The following CENPP variants were observed in gnomAD, a reference collection of about 807,000 sequenced individuals.
CENPP encodes centromere protein P.
In CENPP, 24 loss-of-function variants were observed where a neutral mutation model predicts 35.6. The ratio of observed to expected loss-of-function variants is 0.67; its 90% CI spans 0.49 to 0.95. The LOEUF (loss-of-function observed/expected upper bound fraction) is 0.95. Among genes scored for constraint, CENPP ranks in the 40% least tolerant of loss-of-function variants. CENPP has a pLI of 0.00. For missense variants in CENPP, 332 were observed against 345.3 expected (o/e 0.96, Z 0.31); for synonymous variants, 120 against 125.5 (o/e 0.96, Z 0.29).
intron 5 of CENPP, among the ~76,000 whole-genome samples, chr9:92,567,243 T>C (rs1352682063): frequency 1.3e-5 from 2 of 151,986 alleles, no homozygotes; most frequent in Non-Finnish European, 2.9e-5. Context: ...AGAGCAATTA[T>C]AAAAGCTTGT....
At chr9:92,595,588 T>C (rs1467491562) in intron 5 of CENPP, among the ~76,000 whole-genome samples, 2 of 151,360 alleles carry the variant, frequency 1.3e-5, no homozygotes, top group South Asian at 2.1e-4. Context: ...TTTTTTTTCA[T>C]GGAGTCTCGC....
At chr9:92,490,028 G>T (rs1250728856) in intron 5 of CENPP, among the ~76,000 whole-genome samples, 2 of 152,180 alleles carry the variant, frequency 1.3e-5, no homozygotes, top group Non-Finnish European at 2.9e-5. Context: ...ACACTCAGAG[G>T]CCTGGAAGCC....
At chr9:92,431,072 G>A (rs1844096283) in intron 5 of CENPP, among the ~76,000 whole-genome samples, 1 of 152,164 alleles carries the variant, frequency 6.6e-6, no homozygotes, top group Admixed American at 6.5e-5. Context: ...GGGATTACAG[G>A]CGTGAGCCAC....
intron 5 of CENPP, among the ~76,000 whole-genome samples, chr9:92,546,385 G>C (rs994205052): frequency 1.3e-5 from 2 of 152,116 alleles, no homozygotes; most frequent in Admixed American, 6.6e-5. Context: ...AATAAATCTT[G>C]CTGCTGCTCA....
At chr9:92,421,163 C>T (rs1237790113) in intron 5 of CENPP, among the ~76,000 whole-genome samples, 1 of 152,154 alleles carries the variant, frequency 6.6e-6, no homozygotes, top group Non-Finnish European at 1.5e-5. Context: ...CTTCAGCCTC[C>T]TGAGTAGCTG....
At chr9:92,437,846 AC>A (rs1844285860) in intron 5 of CENPP, among the ~76,000 whole-genome samples, 4 of 151,424 alleles carry the variant, frequency 2.6e-5, no homozygotes, top group Admixed American at 2.6e-4. Flanking sequence ...TGCAACTTTA[AC>A]CTTCCAGGCT....
At chr9:92,541,474 C>T (rs1849319704) in intron 5 of CENPP, among the ~76,000 whole-genome samples, 1 of 145,752 alleles carries the variant, frequency 6.9e-6, no homozygotes, top group African/African-American at 2.5e-5. Context: ...GATTCCCCTG[C>T]CTCAGCCTCC....
intron 5 of CENPP, chr9:92,482,263 C>G (rs560117738): frequency 6.6e-6 from 1 of 152,074 alleles, no homozygotes; most frequent in African/African-American, 2.4e-5. Flanking sequence ...AAGTATACAT[C>G]GATACTTGTA....
At chr9:92,388,884 CCTTAA>C (rs1461187952) in intron 5 of CENPP, among the ~76,000 whole-genome samples, 2 of 151,286 alleles carry the variant, frequency 1.3e-5, no homozygotes, top group African/African-American at 4.9e-5. Context: ...TCTAAGAGTC[CCTTAA>C]CTTCTGAGTT....
rs533490967 is a variant in CENPP at position 92,545,692 on chromosome 9, G to T, written c.565-65622G>T. On this transcript the variant is annotated intron_variant, in intron 5 of 7. Transcript: ENST00000375587. The stretch of plus-strand genomic sequence containing the variant: ...CAGCCTGGTGCGGGATCCACTGGGT[G>T]AATCCAGCTGGGCTCATCCAGCTGG... Among the ~76,000 whole-genome samples the T allele has an allele frequency of 7.6e-3, 1,158 of 152,356 alleles. 6 individuals are homozygous for T. Among genetic ancestry groups the T allele is most frequent in the Non-Finnish European group, 0.012 (802 of 68,032 alleles).
At chr9:92,514,712 T>TG in intron 5 of CENPP, 1 of 1,614,032 alleles carries the variant, frequency 6.2e-7, no homozygotes, top group Non-Finnish European at 8.5e-7. Flanking sequence ...CTGATGGTCC[T>TG]GTAGGACAGA....
At chr9:92,332,535 C>G (rs1840784176) in intron 2 of CENPP, among the ~76,000 whole-genome samples, 184 bp downstream of exon 2, 2 of 152,196 alleles carry the variant, frequency 1.3e-5, no homozygotes, top group Admixed American at 6.5e-5. Flanking sequence ...CTGGGCCAGG[C>G]CCCGTGATCA....
At chr9:92,338,804 T>G (rs1243279996) in intron 3 of CENPP, among the ~76,000 whole-genome samples, 1 of 152,106 alleles carries the variant, frequency 6.6e-6, no homozygotes, top group African/African-American at 2.4e-5. Context: ...CCACAGCCAT[T>G]TGAATGCTCC....
At chr9:92,493,468 T>C (rs1272093660) in intron 5 of CENPP, 2 of 152,216 alleles carry the variant, frequency 1.3e-5, no homozygotes, top group Non-Finnish European at 2.9e-5. Flanking sequence ...CTGCTTATAA[T>C]ATTCTTATTG....
At chr9:92,571,263 G>A (rs570069376) in intron 5 of CENPP, among the ~76,000 whole-genome samples, 4 of 152,204 alleles carry the variant, frequency 2.6e-5, no homozygotes, top group Non-Finnish European at 5.9e-5. Context: ...GTGTCCCAGA[G>A]ATTCTGGTAT....
At position 92,403,481 on chromosome 9, in the gene CENPP, C is replaced by G; in HGVS notation, c.564+23622C>G. On this transcript the variant is annotated intron_variant, in intron 5 of 7. Transcript: ENST00000375587. ...GACTGTGGGACAAAACTCTCTTTTT[C>G]CCTGGAAATAAAAATTCAGACCATC... The G allele has an allele frequency of 3.3e-6, 5 of 1,507,890 alleles. No homozygotes were observed. The South Asian group carries it at 5.6e-5, about 17-fold the overall frequency. The allele number at this position is 1,507,890 out of a possible 1,614,324, so 93.4% of individuals were successfully genotyped here.
intron 5 of CENPP, among the ~76,000 whole-genome samples, chr9:92,472,427 A>C (rs1330719488): frequency 6.6e-6 from 1 of 151,862 alleles, no homozygotes; most frequent in Non-Finnish European, 1.5e-5. Flanking sequence ...TCGGAGGCCG[A>C]GTCGGGTGGA....
chr9:92,523,040 CAAATCATAATTTGG>C (rs1848176166), intron 5 of CENPP: 1 of 788,984 alleles, frequency 1.3e-6, no homozygotes, highest in African/African-American at 1.8e-5. Flanking sequence ...GTATTATTGC[CAAATCATAATTTGG>C]AATTCTTCTA....
chr9:92,423,321 G>A (rs1843870823), intron 5 of CENPP, among the ~76,000 whole-genome samples: 1 of 152,036 alleles, frequency 6.6e-6, no homozygotes, highest in African/African-American at 2.4e-5. Context: ...AAAACCATCT[G>A]TGTCATAATA....
Sources: gnomAD v4.1 joint callset for allele counts (sites outside exome capture counted in the v4.1 genomes callset) on GRCh38, gnomAD v4.1.1 for gene constraint, MANE v1.5 for transcripts, NCBI Gene and HGNC (gene_info 2026-07-23, HGNC 2026-07-21) for gene names.